Variants in SOX5 observed in about 807,000 individuals in gnomAD.
SOX5 encodes the protein transcription factor SOX-5.
In SOX5, 9 loss-of-function variants were observed where a neutral mutation model predicts 92.0. That is an observed-to-expected ratio of 0.10 (90% CI 0.06 to 0.17). The LOEUF is 0.17. SOX5 is among the 10% of genes least tolerant of loss of function. The pLI, the probability that SOX5 is intolerant of heterozygous loss-of-function variation, is 1.00. For synonymous variants in SOX5, 344 were observed against 336.3 expected (o/e 1.02, Z -0.25); for missense variants, 642 against 944.5 (o/e 0.68, Z 4.20).
intron 6 of SOX5, among the ~76,000 whole-genome samples, chr12:23,714,009 T>C (rs1256062478): frequency 2.6e-5 from 4 of 151,230 alleles, no homozygotes; most frequent in Non-Finnish European, 5.9e-5. Flanking sequence ...GGATAATTGC[T>C]TGAACCTAGG....
chr12:24,062,972 C>A (rs1940021416), intron 4 of SOX5, among the ~76,000 whole-genome samples: 1 of 152,196 alleles, frequency 6.6e-6, no homozygotes, highest in African/African-American at 2.4e-5. Flanking sequence ...GGAAGAAAGG[C>A]ACAATGTTAT....
rs1347554989 is a variant in SOX5 at position 23,546,348 on chromosome 12, A to G, written c.1565T>C (p.Met522Thr). ...ATCTCCACTCAGATTGAAATCCATC[A>G]TTGCATGGCTAAATTTTCCTTCTTC... ...QNEEGKFSHA[M>T]MDFNLSGDSD... is the part of the protein sequence containing the mutation. The change falls in exon 12 of 15, where the codon ATG becomes ACG. Residue 522 changes from methionine (M) to threonine (T), a missense_variant. Physicochemically the swap from Met to Thr is moderately conservative, Grantham distance 81 (BLOSUM62 -1). Around this residue, in one of 8 missense-constraint regions of SOX5, gnomAD observed 324 missense variants for 461.6 expected, o/e 0.70. Transcript: ENST00000451604. 6.2e-7 allele frequency: 1 copy of G among 1,601,188 alleles called. No homozygotes were observed.
chr12:24,180,014 C>T (rs986600658), intron 4 of SOX5, among the ~76,000 whole-genome samples: 6 of 151,578 alleles, frequency 4.0e-5, no homozygotes, highest in Admixed American at 3.3e-4. Flanking sequence ...GTAGTATCAT[C>T]GCTCACTGCA....
chr12:23,900,714 G>A (rs1274897965), intron 1 of SOX5, among the ~76,000 whole-genome samples: 1 of 152,114 alleles, frequency 6.6e-6, no homozygotes, highest in Non-Finnish European at 1.5e-5. Context: ...AGTGACTCAT[G>A]CCTGTAATCC....
At chr12:24,001,099 T>G (rs1263988812) in intron 4 of SOX5, among the ~76,000 whole-genome samples, 1 of 152,138 alleles carries the variant, frequency 6.6e-6, no homozygotes, top group African/African-American at 2.4e-5. Context: ...AACTAGATTT[T>G]AAAAAAATTG....
At chr12:24,165,899 AAT>A (rs1280735674) in intron 4 of SOX5, among the ~76,000 whole-genome samples, 1 of 152,194 alleles carries the variant, frequency 6.6e-6, no homozygotes. Context: ...TGTGATGGAA[AAT>A]AGATATATAT....
chr12:24,282,270 A>G (rs1309245207), intron 2 of SOX5, among the ~76,000 whole-genome samples: 2 of 152,322 alleles, frequency 1.3e-5, no homozygotes, highest in East Asian at 1.9e-4. Flanking sequence ...TGACGAGTTA[A>G]TGGGTGCAGC....
At position 23,972,186 on chromosome 12, in the gene SOX5, C is replaced by G. The variant is rs536013426; in HGVS notation, c.-1-76162G>C. ...GGACTGTAACATGAAATAAATAAAA[C>G]TAGTGATATCAGCGTTACTTCAAGG... On this transcript the variant is annotated intron_variant, in intron 4 of 4. Transcript: ENST00000446891. Among the ~76,000 whole-genome samples, 8 of 152,238 alleles carry G rather than the reference C, an allele frequency of 5.3e-5. 1 individual carries two copies. Among genetic ancestry groups the G allele is most frequent in the Admixed American group, 1.3e-4 (2 of 15,296 alleles).
At chr12:23,976,064 A>G (rs1213214047) in intron 4 of SOX5, among the ~76,000 whole-genome samples, 2 of 152,104 alleles carry the variant, frequency 1.3e-5, no homozygotes, top group African/African-American at 4.8e-5. Flanking sequence ...GAACAAACCA[A>G]TTTTGTATTT....
intron 1 of SOX5, among the ~76,000 whole-genome samples, chr12:24,415,358 G>A (rs1964845066): frequency 6.6e-6 from 1 of 152,100 alleles, no homozygotes; most frequent in Non-Finnish European, 1.5e-5. Context: ...GTACCACTGT[G>A]GAGTGAATGT....
intron 2 of SOX5, among the ~76,000 whole-genome samples, chr12:24,301,339 G>T (rs903868327): frequency 4.6e-5 from 7 of 152,104 alleles, no homozygotes; most frequent in Non-Finnish European, 1.0e-4. Flanking sequence ...ATTATTTATG[G>T]AAAGCATCAA....
At chr12:23,543,481 G>GA (rs1486063181) in intron 12 of SOX5, 97 bp from the exon 13 acceptor site, 3 of 878,276 alleles carry the variant, frequency 3.4e-6, no homozygotes, top group Non-Finnish European at 5.3e-6. Flanking sequence ...TATCTGAAAA[G>GA]AAAAAGTACT....
chr12:23,816,370 C>T (rs989723904), intron 3 of SOX5, among the ~76,000 whole-genome samples: 3 of 151,704 alleles, frequency 2.0e-5, no homozygotes, highest in Non-Finnish European at 2.9e-5. Flanking sequence ...CCACGATGCC[C>T]GGCTAATTTT....
rs560344572 is a variant in SOX5, at chr12:23,551,346, G to C, written c.1489-4922C>G. Among the ~76,000 whole-genome samples the C allele has an allele frequency of 5.0e-4, 76 of 151,830 alleles. No individual in the cohort carries two copies. The South Asian group carries it at 6.9e-3, about 14-fold the overall frequency. Reference sequence around the variant, plus strand: ...ATCAGCTTAAGTGTAAAGAAATAAGGCGCATGTCCACTCTTTAACCTCTCG... The same window carrying C: ...ATCAGCTTAAGTGTAAAGAAATAAGCCGCATGTCCACTCTTTAACCTCTCG... On this transcript the variant is annotated intron_variant, in intron 11 of 14. Transcript: ENST00000451604.
At chr12:23,699,775 C>T (rs1593403650) in intron 6 of SOX5, among the ~76,000 whole-genome samples, 1 of 152,104 alleles carries the variant, frequency 6.6e-6, no homozygotes, top group African/African-American at 2.4e-5. Flanking sequence ...GGTTTGGATG[C>T]TACCAGGTTT....
At chr12:23,833,055 G>A (rs1354605752) in intron 3 of SOX5, among the ~76,000 whole-genome samples, 13 of 151,866 alleles carry the variant, frequency 8.6e-5, no homozygotes, top group Non-Finnish European at 1.9e-4. Context: ...TCATTTGAAA[G>A]CCAAAGTTGT....
At chr12:23,634,053 A>T (rs2078903217) in intron 8 of SOX5, among the ~76,000 whole-genome samples, 1 of 152,154 alleles carries the variant, frequency 6.6e-6, no homozygotes, top group Non-Finnish European at 1.5e-5. Flanking sequence ...TTCCCTGGCC[A>T]TTAAATTAAT....
intron 9 of SOX5, among the ~76,000 whole-genome samples, chr12:23,576,215 GGGGTTGGATCT>G (rs1949085903): frequency 6.6e-6 from 1 of 151,550 alleles, no homozygotes; most frequent in African/African-American, 2.4e-5. Context: ...CCAAAGAAAA[GGGGTTGGATCT>G]GATGCATCTT....
intron 2 of SOX5, among the ~76,000 whole-genome samples, chr12:23,895,497 A>C (rs868225466): frequency 1.3e-5 from 2 of 152,166 alleles, no homozygotes; most frequent in South Asian, 2.1e-4. Context: ...CATGCTGAAT[A>C]ATTTTAAATA....
Sources: gnomAD v4.1 joint callset for allele counts (sites outside exome capture counted in the v4.1 genomes callset) on GRCh38, gnomAD v4.1.1 for gene constraint, gnomAD v4.1.1 regional missense constraint, MANE v1.5 for transcripts, NCBI Gene and HGNC (gene_info 2026-07-23, HGNC 2026-07-21) for gene names.